The following SPDYE2B variants were observed in gnomAD, a reference collection of about 807,000 sequenced individuals.
SPDYE2B encodes speedy/RINGO cell cycle regulator family member E2B.
In SPDYE2B at chr7:102,661,989, C is replaced by T. The variant is rs62483487; in HGVS notation, c.*889C>T. Among the ~76,000 whole-genome samples, 4,019 of 6,796 alleles carry T rather than the reference C, an allele frequency of 0.59. 842 individuals carry two copies. Among genetic ancestry groups the T allele is most frequent in the East Asian group, 0.95 (19 of 20 alleles). 4.5% of individuals were successfully genotyped at this position (6,796 alleles called of 152,430 possible). A position where few individuals can be genotyped will look rare whatever the true frequency, so the allele number is the denominator to read the frequency against. On this transcript the variant is annotated 3_prime_UTR_variant, in exon 9 of 9. Transcript: ENST00000507450. Reference sequence around the variant, plus strand: ...GAATTCAGTTGTGATTTTTAACATGCCTCAGATATATATACTAACACGTCT... The same window carrying T: ...GAATTCAGTTGTGATTTTTAACATGTCTCAGATATATATACTAACACGTCT...
At chr7:102,654,324 CAAAA>C (rs1284683166) in intron 3 of SPDYE2B, among the ~76,000 whole-genome samples, 1 of 96,042 alleles carries the variant, frequency 1.0e-5, no homozygotes, top group African/African-American at 4.8e-5. Flanking sequence ...GACGCTGTCT[CAAAA>C]AAAAAAAAAA....
chr7:102,651,092 T>G (rs1204323161), intron 1 of SPDYE2B, among the ~76,000 whole-genome samples: 2 of 117,402 alleles, frequency 1.7e-5, no homozygotes, highest in Non-Finnish European at 3.6e-5. Flanking sequence ...CTTTTATTTT[T>G]TATCAAAAAA....
At chr7:102,659,234 C>T (rs1791927436) in intron 6 of SPDYE2B, among the ~76,000 whole-genome samples, 1 of 150,352 alleles carries the variant, frequency 6.7e-6, no homozygotes, top group African/African-American at 2.4e-5. Context: ...TGGGGTTTCT[C>T]CGTGTTGACC....
At chr7:102,656,130 C>T in intron 4 of SPDYE2B, 118 bp from the exon 5 acceptor site, 1 of 233,564 alleles carries the variant, frequency 4.3e-6, no homozygotes, top group East Asian at 7.6e-5. Flanking sequence ...CCATCCACCT[C>T]ACCCGCGGCC....
chr7:102,654,304 G>A (rs1791812067), intron 3 of SPDYE2B, among the ~76,000 whole-genome samples: 2 of 111,844 alleles, frequency 1.8e-5, no homozygotes, highest in Middle Eastern at 5.1e-3. Context: ...CATTCTGGGT[G>A]AGAGAGTGAG....
At chr7:102,656,532 T>C (rs1421557721) in intron 5 of SPDYE2B, among the ~76,000 whole-genome samples, 1 of 58,098 alleles carries the variant, frequency 1.7e-5, no homozygotes, top group African/African-American at 3.9e-5. Context: ...CTGCAGCCGA[T>C]GCGTCCTGGG....
chr7:102,654,324 C>CAAAA (rs1284683166), intron 3 of SPDYE2B, among the ~76,000 whole-genome samples: 129 of 95,866 alleles, frequency 1.3e-3, no homozygotes, highest in East Asian at 3.5e-3. Context: ...GACGCTGTCT[C>CAAAA]AAAAAAAAAA....
chr7:102,654,324 C>CAAAAAAA (rs1284683166), intron 3 of SPDYE2B, among the ~76,000 whole-genome samples: 3 of 96,040 alleles, frequency 3.1e-5, no homozygotes, highest in African/African-American at 1.5e-4. Flanking sequence ...GACGCTGTCT[C>CAAAAAAA]AAAAAAAAAA....
At chr7:102,659,190 C>T (rs1417647317) in intron 6 of SPDYE2B, among the ~76,000 whole-genome samples, 9 of 151,156 alleles carry the variant, frequency 6.0e-5, no homozygotes, top group African/African-American at 1.9e-4. Flanking sequence ...GGTGTGCCAC[C>T]GCACCAGGCT....
At chr7:102,654,346 A>AAAAAAT in intron 3 of SPDYE2B, among the ~76,000 whole-genome samples, 1 of 141,330 alleles carries the variant, frequency 7.1e-6, no homozygotes, top group African/African-American at 2.6e-5. Context: ...AAAAAAAAAA[A>AAAAAAT]GGAAGGAAGG....
chr7:102,654,707 C>T (rs1167815062), intron 3 of SPDYE2B, among the ~76,000 whole-genome samples: 2 of 23,128 alleles, frequency 8.6e-5, no homozygotes, highest in African/African-American at 1.9e-4. Context: ...ACAACAACAA[C>T]GACAACAACG....
intron 4 of SPDYE2B, among the ~76,000 whole-genome samples, chr7:102,655,836 CTT>C (rs1220798760): frequency 1.2e-5 from 1 of 85,188 alleles, no homozygotes; most frequent in East Asian, 5.3e-4. Flanking sequence ...CCCTCTGAAA[CTT>C]AATGTCTCTT....
chr7:102,658,878 AT>A (rs1279725422), intron 6 of SPDYE2B, among the ~76,000 whole-genome samples: 1 of 146,376 alleles, frequency 6.8e-6, no homozygotes, highest in Admixed American at 6.9e-5. Flanking sequence ...AATTTCTTTT[AT>A]TTTTTTGAGA....
intron 5 of SPDYE2B, among the ~76,000 whole-genome samples, chr7:102,656,525 C>T (rs1370378219): frequency 1.3e-3 from 83 of 61,914 alleles, no homozygotes; most frequent in African/African-American, 2.9e-3. Context: ...TGACTCACTG[C>T]AGCCGATGCG....
Position 102,654,255 on chromosome 7 carries a change from G to A in SPDYE2B, c.379+586G>A, listed in dbSNP as rs1791809829. Among the ~76,000 whole-genome samples the A allele has an allele frequency of 2.6e-5, 3 of 113,428 alleles. No homozygotes were observed. In the South Asian group the frequency reaches 1.2e-3, roughly 45 times the overall value. The allele number at this position is 113,428 out of a possible 152,430, so 74.4% of individuals were successfully genotyped here. A position where few individuals can be genotyped will look rare whatever the true frequency, so the allele number is the denominator to read the frequency against. On this transcript the variant is annotated intron_variant, in intron 3 of 8. Coordinates refer to ENST00000507450, the MANE Select transcript of SPDYE2B (RefSeq NM_001166339.2). Reference sequence around the variant, plus strand: ...CAGGATAATCGCTTGAACCCAGGTGGAAGAGGTTGCTTTGAGCCAAGATAG... The same window carrying A: ...CAGGATAATCGCTTGAACCCAGGTGAAAGAGGTTGCTTTGAGCCAAGATAG...
Position 102,659,876 on chromosome 7 carries a change from CCA to C in SPDYE2B, c.943_944del (p.Gln315ValfsTer21), listed in dbSNP as rs1791935600. On this transcript the variant is annotated frameshift_variant, in exon 7 of 9. Transcript: ENST00000507450. LOFTEE classifies it high-confidence loss of function. ...RIPLLRKRRF[Q>X]LYRSTNPRAR... ...TACCCTTGCTCCGTAAGCGTCGGTT[CCA>C]GTTATACCGTTCCACGAACCCGAGG... 3 of 245,648 alleles carry C rather than the reference CCA, an allele frequency of 1.2e-5. No homozygotes were observed. The highest frequency in any genetic ancestry group is 2.1e-5 in the Non-Finnish European group (3 of 143,518). The allele number at this position is 245,648 out of a possible 1,614,324, so 15.2% of individuals were successfully genotyped here. A position where few individuals can be genotyped will look rare whatever the true frequency, so the allele number is the denominator to read the frequency against.
In SPDYE2B at chr7:102,661,995, A is replaced by G. The variant is rs866342865; in HGVS notation, c.*895A>G. ...AGTTGTGATTTTTAACATGCCTCAG[A>G]TATATATACTAACACGTCTAATATA... On this transcript the variant is annotated 3_prime_UTR_variant, in exon 9 of 9. Coordinates refer to ENST00000507450, the MANE Select transcript of SPDYE2B (RefSeq NM_001166339.2). 0.15 allele frequency among the ~76,000 whole-genome samples: 2,221 copies of G among 14,488 alleles called. 90 individuals carry two copies. The highest frequency in any genetic ancestry group is 0.22 in the African/African-American group (2,146 of 9,884). 9.5% of individuals were successfully genotyped at this position (14,488 alleles called of 152,430 possible). A position where few individuals can be genotyped will look rare whatever the true frequency, so the allele number is the denominator to read the frequency against.
chr7:102,655,799 TAAAC>T (rs1265847401), intron 4 of SPDYE2B, among the ~76,000 whole-genome samples: 17 of 74,444 alleles, frequency 2.3e-4, no homozygotes, highest in South Asian at 6.3e-4. Context: ...ACAAAATCAA[TAAAC>T]AAAGAAAGTG....
intron 3 of SPDYE2B, among the ~76,000 whole-genome samples, chr7:102,654,581 AGCTACTTGGGAG>A (rs1791826809): frequency 2.3e-5 from 1 of 44,046 alleles, no homozygotes. Flanking sequence ...CTGTAATCCC[AGCTACTTGGGAG>A]GCTTAGGCAG....
Sources: gnomAD v4.1 joint callset for allele counts (sites outside exome capture counted in the v4.1 genomes callset) on GRCh38, gnomAD v4.1.1 for gene constraint, MANE v1.5 for transcripts, NCBI Gene and HGNC (gene_info 2026-07-23, HGNC 2026-07-21) for gene names.